The following PHF6 variants were observed in gnomAD, a reference collection of about 807,000 sequenced individuals.
PHF6 encodes the protein PHD-like zinc finger protein.
A neutral mutation model predicts 34.0 loss-of-function variants in PHF6; 7 were observed. The ratio of observed to expected loss-of-function variants is 0.21; its 90% CI spans 0.12 to 0.39. The LOEUF (loss-of-function observed/expected upper bound fraction) is 0.39. Ranked by LOEUF, PHF6 falls within the 10% of genes least tolerant of loss-of-function variation. PHF6 has a pLI of 1.00. For synonymous variants in PHF6, 89 were observed against 88.4 expected, an observed-to-expected ratio of 1.01 and a Z score of -0.04; for missense variants, 128 against 262.8, an observed-to-expected ratio of 0.49 and a Z score of 3.55.
chrX:134,414,100 A>G (rs1283274815), intron 7 of PHF6, 134 bp downstream of exon 7: 1 of 597,933 alleles, frequency 1.7e-6, no homozygotes, highest in Non-Finnish European at 2.8e-6. Flanking sequence ...TCCCCCCACC[A>G]GCATTAGTAT....
chrX:134,378,486 A>T (rs947152241), intron 3 of PHF6, among the ~76,000 whole-genome samples: 2 of 112,381 alleles, frequency 1.8e-5, no homozygotes, highest in Non-Finnish European at 3.8e-5. Flanking sequence ...TGGTCATTAC[A>T]AATGAACATG....
intron 5 of PHF6, among the ~76,000 whole-genome samples, chrX:134,407,989 G>A (rs1379670820): frequency 1.8e-5 from 2 of 111,960 alleles, no homozygotes; most frequent in Non-Finnish European, 1.9e-5. Flanking sequence ...GTGCTGTGGC[G>A]TGATCTCGGC....
At chrX:134,378,224 T>C in intron 3 of PHF6, 118 bp downstream of exon 3, 1 of 448,198 alleles carries the variant, frequency 2.2e-6, no homozygotes, top group Non-Finnish European at 3.6e-6. Flanking sequence ...TTGCAGGCTT[T>C]TCTTTTTTTT....
chrX:134,382,566 C>CTTTTTTTT (rs377670545), intron 3 of PHF6, among the ~76,000 whole-genome samples: 1 of 84,637 alleles, frequency 1.2e-5, no homozygotes, highest in African/African-American at 4.4e-5. Flanking sequence ...AGCTATTCTT[C>CTTTTTTTT]TTTTTTTTTT....
chrX:134,387,052 G>T (rs2077335058), intron 3 of PHF6, among the ~76,000 whole-genome samples: 1 of 111,365 alleles, frequency 9.0e-6, no homozygotes, highest in Admixed American at 9.6e-5. Flanking sequence ...TACATGCATT[G>T]TGAATGTATT....
At chrX:134,408,086 C>T (rs2077433198) in intron 5 of PHF6, among the ~76,000 whole-genome samples, 1 of 111,358 alleles carries the variant, frequency 9.0e-6, no homozygotes, top group South Asian at 3.8e-4. Flanking sequence ...TACCACCACA[C>T]CCGGCTAATT....
At chrX:134,381,162 A>G (rs1481996973) in intron 3 of PHF6, among the ~76,000 whole-genome samples, 3 of 111,361 alleles carry the variant, frequency 2.7e-5, no homozygotes, top group Non-Finnish European at 3.8e-5. Context: ...TAGTGGCAGA[A>G]GGGAAGAACT....
Position 134,426,121 on chromosome X carries a change from T to A in PHF6, c.*461T>A. 1 of 160,380 alleles carries A rather than the reference T, an allele frequency of 6.2e-6. No homozygotes were observed. Among genetic ancestry groups the A allele is most frequent in the Non-Finnish European group, 1.2e-5 (1 of 81,711 alleles). The allele number at this position is 160,380 out of a possible 1,213,427, so 13.2% of individuals were successfully genotyped here. Reference sequence around the variant, plus strand: ...TTTTTCATACTCAAGTAATGGAGGCTAGAAATGAAGAGAACCTTCTTTTTC... The same window carrying A: ...TTTTTCATACTCAAGTAATGGAGGCAAGAAATGAAGAGAACCTTCTTTTTC... On this transcript the variant is annotated 3_prime_UTR_variant, in exon 11 of 11. Transcript: ENST00000370803.
At position 134,415,168 on chromosome X, in the gene PHF6, CTTTAAA is replaced by C. The variant is rs762323879; in HGVS notation, c.834+53_834+58del. The C allele has an allele frequency of 2.1e-5, 25 of 1,205,804 alleles. No homozygotes were observed. In the Admixed American group the frequency reaches 5.1e-4, roughly 25 times the overall value. On this transcript the variant is annotated intron_variant, in intron 8 of 10. Transcript: ENST00000370803. The stretch of plus-strand genomic sequence containing the variant: ...ATGCAACATTACACTTGATTTGCTG[CTTTAAA>C]TTTAGAGTACATCCCAAATTTATCC...
intron 2 of PHF6, 116 bp from the exon 3 acceptor site, chrX:134,377,889 A>G: frequency 3.2e-6 from 3 of 937,848 alleles, no homozygotes; most frequent in Non-Finnish European, 4.5e-6. Flanking sequence ...ATGGTTTATC[A>G]CTAATGCTAT....
At chrX:134,401,888 T>C (rs1010630497) in intron 5 of PHF6, among the ~76,000 whole-genome samples, 3 of 112,536 alleles carry the variant, frequency 2.7e-5, no homozygotes, top group African/African-American at 9.7e-5. Context: ...AGGGTCACCA[T>C]AGTTATATTA....
chrX:134,412,537 C>T (rs1386229557), intron 5 of PHF6, among the ~76,000 whole-genome samples: 4 of 111,345 alleles, frequency 3.6e-5, no homozygotes, highest in African/African-American at 6.5e-5. Flanking sequence ...GAAAAAATGG[C>T]GAAAATATTA....
chrX:134,413,597 G>A lies in PHF6; in HGVS notation c.525G>A (p.Leu175=). The change falls in exon 6 of 11, where the codon CTG becomes CTA. Residue 175 remains leucine (L), a synonymous_variant. Transcript: ENST00000370803. ...CAAGAAAAACTAATTTTAAAGGGCT[G>A]TCAGAAGATACCAGGTCCACATCCT... ...GRPRKTNFKG[L]SEDTRSTSSH... is the part of the protein sequence containing the mutation. 2.5e-6 allele frequency: 3 copies of A among 1,211,309 alleles called. No individual in the cohort carries two copies. The highest frequency in any genetic ancestry group is 3.4e-6 in the Non-Finnish European group (3 of 895,272).
At position 134,378,042 on chromosome X, in the gene PHF6, A is replaced by G. The variant is rs202007952; in HGVS notation, c.176A>G (p.Asn59Ser). 2.2e-5 allele frequency: 27 copies of G among 1,204,372 alleles called. No individual in the cohort carries two copies. The highest frequency in any genetic ancestry group is 2.6e-5 in the Non-Finnish European group (23 of 891,407). ...SSALVSSHSDNESLGGFSIED... is the reference protein window; with the variant it reads ...SSALVSSHSDSESLGGFSIED... ...GCTTTGGTATCATCACACTCTGATA[A>G]TGAAAGTCTTGGTGGATTTTCTATT... is the stretch of plus-strand genomic sequence containing the variant. Residue 59 changes from asparagine (N) to serine (S), a missense_variant, in exon 3 of 11, where the codon AAT becomes AGT. Coordinates refer to ENST00000370803, the MANE Select transcript of PHF6 (RefSeq NM_001015877.2).
At chrX:134,388,958 A>G (rs1329605130) in intron 3 of PHF6, among the ~76,000 whole-genome samples, 1 of 111,028 alleles carries the variant, frequency 9.0e-6, no homozygotes, top group Non-Finnish European at 1.9e-5. Context: ...GACTCTGCTT[A>G]TGTTGCACAA....
chrX:134,405,392 T>C (rs1265337726), intron 5 of PHF6, among the ~76,000 whole-genome samples: 1 of 110,861 alleles, frequency 9.0e-6, no homozygotes, highest in Non-Finnish European at 1.9e-5. Context: ...AGAGACAGGG[T>C]TTTGCCACGT....
intron 9 of PHF6, among the ~76,000 whole-genome samples, chrX:134,423,632 T>TA (rs2077498803): frequency 8.9e-6 from 1 of 112,179 alleles, no homozygotes; most frequent in African/African-American, 3.2e-5. Context: ...GTTTTAAGAC[T>TA]AAAAAGAGAA....
intron 5 of PHF6, among the ~76,000 whole-genome samples, chrX:134,395,390 G>A (rs2077373280): frequency 8.9e-6 from 1 of 112,060 alleles, no homozygotes; most frequent in Admixed American, 9.5e-5. Context: ...AACCAGGTTA[G>A]TCATGTTTAT....
chrX:134,425,077 T>A (rs2077503694), intron 9 of PHF6, 124 bp from the exon 10 acceptor site: 12 of 848,100 alleles, frequency 1.4e-5, no homozygotes, highest in Non-Finnish European at 2.1e-5. Context: ...TGGGGAGTAT[T>A]TTTTAAAGTG....
Sources: allele counts gnomAD v4.1 joint callset (sites outside exome capture counted in the v4.1 genomes callset), GRCh38; gene constraint gnomAD v4.1.1; transcripts MANE v1.5; gene names NCBI Gene and HGNC (gene_info 2026-07-23, HGNC 2026-07-21).